The following PCDHB8 variants were observed in gnomAD, a reference collection of about 807,000 sequenced individuals.
PCDHB8 encodes protocadherin beta-8.
For synonymous variants in PCDHB8, 385 were observed against 448.5 expected, an observed-to-expected ratio of 0.86 and a Z score of 1.79; for missense variants, 836 against 1,004.0, an observed-to-expected ratio of 0.83 and a Z score of 2.26.
rs753615504 is a variant in PCDHB8, at chr5:141,180,073, C to A, written c.2039C>A (p.Ala680Asp). Reference sequence around the variant, plus strand: ...CTGCCGCTTCCGGAGGCTGCCCCAGCCCAGGGCCAGGCCGACTCTCTCACC... The same window carrying A: ...CTGCCGCTTCCGGAGGCTGCCCCAGACCAGGGCCAGGCCGACTCTCTCACC... ...PYLPLPEAAP[A>D]QGQADSLTVY... is the part of the protein sequence containing the mutation. Residue 680 changes from alanine (A) to aspartate (D), a missense_variant, in exon 1 of 1, where the codon GCC (alanine) becomes GAC (aspartate). Physicochemically the swap from Ala to Asp is moderately radical, Grantham distance 126 (BLOSUM62 -2). Coordinates refer to ENST00000239444, the MANE Select transcript of PCDHB8 (RefSeq NM_019120.5). 15 of 1,609,886 alleles carry A rather than the reference C, an allele frequency of 9.3e-6. No individual in the cohort carries two copies. Among genetic ancestry groups the A allele is most frequent in the East Asian group, 4.5e-5 (2 of 44,884 alleles).
chr5:141,180,166 C>A lies in PCDHB8; in HGVS notation c.2132C>A (p.Ala711Glu), dbSNP rs782164666. The part of the protein sequence containing the change: ...LFLFSVLLFV[A>E]VLLCRRSRAA... ...CTCTTCTCGGTGCTCCTGTTCGTGG[C>A]GGTGCTGCTGTGTAGGAGGAGCAGG... Residue 711 changes from alanine (A) to glutamate (E), a missense_variant, in exon 1 of 1, where the codon GCG becomes GAG. Physicochemically the swap from Ala to Glu is moderately radical, Grantham distance 107. Transcript: ENST00000239444. The A allele has an allele frequency of 3.7e-6, 6 of 1,612,262 alleles. No homozygotes were observed. In the East Asian group the frequency reaches 8.9e-5, roughly 24 times the overall value.
At position 141,179,273 on chromosome 5, in the gene PCDHB8, A is replaced by T. The variant is rs1554281143; in HGVS notation, c.1239A>T (p.Glu413Asp). 1 of 1,614,254 alleles carries T rather than the reference A, an allele frequency of 6.2e-7. No individual in the cohort carries two copies. Among genetic ancestry groups the T allele is most frequent in the Admixed American group, 1.7e-5 (1 of 60,036 alleles). ...TAACAGAGACACCACTAGACAGAGA[A>T]AGCAGAGCCGAGTACAACGTCACTA... Reference protein sequence around the residue: ...TLLTETPLDRESRAEYNVTIT... With the variant: ...TLLTETPLDRDSRAEYNVTIT... The change falls in exon 1 of 1, where the codon GAA becomes GAT. Residue 413 changes from glutamate to aspartate, a missense_variant. By Grantham distance (45) the Glu-to-Asp change is conservative. Coordinates refer to ENST00000239444, the MANE Select transcript of PCDHB8 (RefSeq NM_019120.5).
rs536616286 is a variant in PCDHB8, at chr5:141,179,057, G to C, written c.1023G>C (p.Val341=). The change falls in exon 1 of 1, where the codon GTG becomes GTC. Residue 341 remains valine (V), a synonymous_variant. Transcript: ENST00000239444. ...KCTVLIQVID[V]NDHAPEVTMS... Reference sequence around the variant, plus strand: ...CCGTTCTGATTCAAGTGATAGATGTGAACGACCATGCCCCAGAAGTTACCA... The same window carrying C: ...CCGTTCTGATTCAAGTGATAGATGTCAACGACCATGCCCCAGAAGTTACCA... 3.1e-6 allele frequency: 5 copies of C among 1,614,240 alleles called. No individual in the cohort carries two copies. In the African/African-American group the frequency reaches 5.3e-5, roughly 17 times the overall value.
Position 141,180,336 on chromosome 5 carries a change from C to G in PCDHB8, c.2302C>G (p.Leu768Val), listed in dbSNP as rs782708680. 3 of 1,614,176 alleles carry G rather than the reference C, an allele frequency of 1.9e-6. No homozygotes were observed. Among genetic ancestry groups the G allele is most frequent in the East Asian group, 4.5e-5 (2 of 44,890 alleles). The change falls in exon 1 of 1, where the codon CTG becomes GTG. Residue 768 changes from leucine to valine, a missense_variant. Leu to Val is a conservative substitution (Grantham distance 32, BLOSUM62 1). Coordinates refer to ENST00000239444, the MANE Select transcript of PCDHB8 (RefSeq NM_019120.5). ...CTCAGGGACGAATGAGTTCCAGCTC[C>G]TGAAACCAGTATTACCTAATATTCA... is the stretch of plus-strand genomic sequence containing the variant. Reference protein sequence around the residue: ...GGSGTNEFQLLKPVLPNIQGH... With the variant: ...GGSGTNEFQLVKPVLPNIQGH...
At position 141,180,488 on chromosome 5, in the gene PCDHB8, T is replaced by C. The variant is rs782184797; in HGVS notation, c.*48T>C. 7.6e-7 allele frequency: 1 copy of C among 1,317,938 alleles called. No homozygotes were observed. The highest frequency in any genetic ancestry group is 1.8e-5 in the South Asian group (1 of 56,402). The allele number at this position is 1,317,938 out of a possible 1,614,324, so 81.6% of individuals were successfully genotyped here. ...AATTTTTATGATCAATTCAAAGGAA[T>C]GGTTTTCTGTCAACTTAGCATAAAT... On this transcript the variant is annotated 3_prime_UTR_variant, in exon 1 of 1. Coordinates refer to ENST00000239444, the MANE Select transcript of PCDHB8 (RefSeq NM_019120.5).
At position 141,179,907 on chromosome 5, in the gene PCDHB8, G is replaced by T. The variant is rs1250908322; in HGVS notation, c.1873G>T (p.Val625Leu). 1 of 1,609,384 alleles carries T rather than the reference G, an allele frequency of 6.2e-7. No individual in the cohort carries two copies. Among genetic ancestry groups the T allele is most frequent in the African/African-American group, 1.3e-5 (1 of 74,868 alleles). ...CGGTGTGTGGGCGCACAATGGCGAG[G>T]TGCGCACCGCCAGGCTGCTGAGCGA... ...LFGVWAHNGE[V>L]RTARLLSERD... Residue 625 changes from valine to leucine, a missense_variant, in exon 1 of 1, where the codon GTG becomes TTG. Transcript: ENST00000239444.
In PCDHB8 at chr5:141,179,107, C is replaced by A; in HGVS notation, c.1073C>A (p.Pro358His). 6.2e-7 allele frequency: 1 copy of A among 1,614,226 alleles called. No individual in the cohort carries two copies. The stretch of plus-strand genomic sequence containing the variant: ...ATGTCTGCATTTACCAGCCCAATAC[C>A]TGAGAATGCGCCTGAAACTGTGGTT... Reference protein sequence around the residue: ...VTMSAFTSPIPENAPETVVAL... With the variant: ...VTMSAFTSPIHENAPETVVAL... The change falls in exon 1 of 1, where the codon CCT becomes CAT. Residue 358 changes from proline to histidine, a missense_variant. Transcript: ENST00000239444.
In PCDHB8 at chr5:141,178,379, C is replaced by T. The variant is rs1217580341; in HGVS notation, c.345C>T (p.Phe115=). The part of the protein sequence containing the change: ...LRFQVLLESP[F]EFFQAELQVI... ...TCCAAGTGTTGCTAGAGAGTCCCTT[C>T]GAGTTTTTTCAAGCTGAGCTGCAAG... The change falls in exon 1 of 1, where the codon TTC becomes TTT. Residue 115 remains phenylalanine, a synonymous_variant. Coordinates refer to ENST00000239444, the MANE Select transcript of PCDHB8 (RefSeq NM_019120.5). 3 of 1,589,260 alleles carry T rather than the reference C, an allele frequency of 1.9e-6. No homozygotes were observed. Among genetic ancestry groups the T allele is most frequent in the Non-Finnish European group, 8.6e-7 (1 of 1,160,864 alleles).
rs112759368 is a variant in PCDHB8 at position 141,179,903 on chromosome 5, C to G, written c.1869C>G (p.Gly623=). ...TGTTCGGTGTGTGGGCGCACAATGG[C>G]GAGGTGCGCACCGCCAGGCTGCTGA... ...PGLFGVWAHN[G]EVRTARLLSE... The change falls in exon 1 of 1, where the codon GGC becomes GGG. Residue 623 remains glycine, a synonymous_variant. Coordinates refer to ENST00000239444, the MANE Select transcript of PCDHB8 (RefSeq NM_019120.5). The G allele has an allele frequency of 7.5e-5, 121 of 1,609,420 alleles. No individual in the cohort carries two copies. The highest frequency in any genetic ancestry group is 4.7e-4 in the African/African-American group (35 of 74,960).
Position 141,180,489 on chromosome 5 carries a change from G to C in PCDHB8, c.*49G>C, listed in dbSNP as rs782542247. 13 of 1,311,976 alleles carry C rather than the reference G, an allele frequency of 9.9e-6. No homozygotes were observed. In the South Asian group the frequency reaches 2.4e-4, roughly 24 times the overall value. The allele number at this position is 1,311,976 out of a possible 1,614,324, so 81.3% of individuals were successfully genotyped here. On this transcript the variant is annotated 3_prime_UTR_variant, in exon 1 of 1. Transcript: ENST00000239444. Reference sequence around the variant, plus strand: ...ATTTTTATGATCAATTCAAAGGAATGGTTTTCTGTCAACTTAGCATAAATT... The same window carrying C: ...ATTTTTATGATCAATTCAAAGGAATCGTTTTCTGTCAACTTAGCATAAATT...
rs1462177254 is a variant in PCDHB8 at position 141,179,875 on chromosome 5, G to A, written c.1841G>A (p.Gly614Glu). The change falls in exon 1 of 1, where the codon GGG becomes GAG. Residue 614 changes from glycine to glutamate, a missense_variant. Physicochemically the swap from Gly to Glu is moderately conservative, Grantham distance 98 (BLOSUM62 -2). Transcript: ENST00000239444. Reference protein sequence around the residue: ...SYQLLKATEPGLFGVWAHNGE... With the variant: ...SYQLLKATEPELFGVWAHNGE... ...CAGCTGCTCAAGGCCACGGAGCCCG[G>A]GCTGTTCGGTGTGTGGGCGCACAAT... 6.2e-7 allele frequency: 1 copy of A among 1,609,854 alleles called. No homozygotes were observed. Among genetic ancestry groups the A allele is most frequent in the African/African-American group, 1.3e-5 (1 of 74,988 alleles).
chr5:141,177,883 T>G lies in PCDHB8; in HGVS notation c.-152T>G. The G allele has an allele frequency of 1.5e-6, 1 of 658,690 alleles. No homozygotes were observed. The highest frequency in any genetic ancestry group is 2.6e-6 in the Non-Finnish European group (1 of 378,230). The allele number at this position is 658,690 out of a possible 1,614,324, so 40.8% of individuals were successfully genotyped here. On this transcript the variant is annotated 5_prime_UTR_variant, in exon 1 of 1. Transcript: ENST00000239444. Reference sequence around the variant, plus strand: ...CAGAACCTGGAAGTCCACGGGGAGCTTGGATGCCAAAGGGAGGACGGCTGG... The same window carrying G: ...CAGAACCTGGAAGTCCACGGGGAGCGTGGATGCCAAAGGGAGGACGGCTGG...
In PCDHB8 at chr5:141,180,289, A is replaced by T; in HGVS notation, c.2255A>T (p.Tyr752Phe). The T allele has an allele frequency of 6.2e-7, 1 of 1,614,042 alleles. No homozygotes were observed. Among genetic ancestry groups the T allele is most frequent in the Non-Finnish European group, 8.5e-7 (1 of 1,179,960 alleles). ...GTGSLSQNYQYEVCLAGGSGT... is the reference protein window; with the variant it reads ...GTGSLSQNYQFEVCLAGGSGT... ...GGGAGCCTGTCTCAGAACTATCAGT[A>T]CGAGGTGTGCCTGGCAGGAGGCTCA... The change falls in exon 1 of 1, where the codon TAC becomes TTC. Residue 752 changes from tyrosine (Y) to phenylalanine (F), a missense_variant. Tyr to Phe is a conservative substitution (Grantham distance 22, BLOSUM62 3). Transcript: ENST00000239444.
In PCDHB8 at chr5:141,178,665, T is replaced by G. The variant is rs1459168394; in HGVS notation, c.631T>G (p.Leu211Val). ...LDREEEAELR[L>V]TLTALDGGSP... Reference sequence around the variant, plus strand: ...CCGAGAGGAAGAAGCTGAGCTCAGGTTAACACTCACAGCACTGGATGGTGG... The same window carrying G: ...CCGAGAGGAAGAAGCTGAGCTCAGGGTAACACTCACAGCACTGGATGGTGG... Residue 211 changes from leucine (L) to valine (V), a missense_variant, in exon 1 of 1, where the codon TTA becomes GTA. Transcript: ENST00000239444. The G allele has an allele frequency of 1.2e-6, 2 of 1,611,128 alleles. No individual in the cohort carries two copies. The highest frequency in any genetic ancestry group is 2.7e-5 in the African/African-American group (2 of 74,720).
In PCDHB8 at chr5:141,179,032, C is replaced by T. The variant is rs201774727; in HGVS notation, c.998C>T (p.Thr333Ile). The T allele has an allele frequency of 2.2e-4, 358 of 1,614,156 alleles. 2 individuals are homozygous for T. In the East Asian group the frequency reaches 7.7e-3, roughly 35 times the overall value. ...RDAGGFSGKC[T>I]VLIQVIDVND... ...GCTGGAGGCTTTTCTGGAAAATGCA[C>T]CGTTCTGATTCAAGTGATAGATGTG... The change falls in exon 1 of 1, where the codon ACC (threonine) becomes ATC (isoleucine). Residue 333 changes from threonine to isoleucine, a missense_variant. Transcript: ENST00000239444.
At position 141,179,728 on chromosome 5, in the gene PCDHB8, C is replaced by T. The variant is rs782583919; in HGVS notation, c.1694C>T (p.Pro565Leu). The T allele has an allele frequency of 1.9e-6, 3 of 1,611,782 alleles. No individual in the cohort carries two copies. The South Asian group carries it at 3.3e-5, about 18-fold the overall frequency. Reference protein sequence around the residue: ...ANDNSPFVLYPLQNGSAPCTE... With the variant: ...ANDNSPFVLYLLQNGSAPCTE... ...GACAACTCGCCCTTCGTGCTGTACC[C>T]GCTGCAGAATGGCTCCGCGCCCTGC... The change falls in exon 1 of 1, where the codon CCG (proline) becomes CTG (leucine). Residue 565 changes from proline (P) to leucine (L), a missense_variant. By Grantham distance (98) the Pro-to-Leu change is moderately conservative. Transcript: ENST00000239444.
rs142723933 is a variant in PCDHB8 at position 141,180,162 on chromosome 5, G to A, written c.2128G>A (p.Val710Met). Reference sequence around the variant, plus strand: ...CTTCCTCTTCTCGGTGCTCCTGTTCGTGGCGGTGCTGCTGTGTAGGAGGAG... The same window carrying A: ...CTTCCTCTTCTCGGTGCTCCTGTTCATGGCGGTGCTGCTGTGTAGGAGGAG... The part of the protein sequence containing the change: ...SLFLFSVLLF[V>M]AVLLCRRSRA... The change falls in exon 1 of 1, where the codon GTG becomes ATG. Residue 710 changes from valine (V) to methionine (M), a missense_variant. Transcript: ENST00000239444. The A allele has an allele frequency of 5.0e-6, 8 of 1,612,228 alleles. No individual in the cohort carries two copies. Among genetic ancestry groups the A allele is most frequent in the Non-Finnish European group, 5.9e-6 (7 of 1,179,932 alleles).
Position 141,180,298 on chromosome 5 carries a change from G to T in PCDHB8, c.2264G>T (p.Cys755Phe). The T allele has an allele frequency of 2.5e-6, 4 of 1,614,086 alleles. No homozygotes were observed. Among genetic ancestry groups the T allele is most frequent in the Non-Finnish European group, 3.4e-6 (4 of 1,179,970 alleles). ...SLSQNYQYEV[C>F]LAGGSGTNEF... ...TCTCAGAACTATCAGTACGAGGTGT[G>T]CCTGGCAGGAGGCTCAGGGACGAAT... is the stretch of plus-strand genomic sequence containing the variant. The change falls in exon 1 of 1, where the codon TGC becomes TTC. Residue 755 changes from cysteine to phenylalanine, a missense_variant. Coordinates refer to ENST00000239444, the MANE Select transcript of PCDHB8 (RefSeq NM_019120.5).
chr5:141,180,135 C>G lies in PCDHB8; in HGVS notation c.2101C>G (p.Leu701Val). ...GGTGGCGTTGGCCTCGGTGTCTTCG[C>G]TCTTCCTCTTCTCGGTGCTCCTGTT... ...LVVALASVSS[L>V]FLFSVLLFVA... is the part of the protein sequence containing the mutation. Residue 701 changes from leucine (L) to valine (V), a missense_variant, in exon 1 of 1, where the codon CTC becomes GTC. Leu to Val is a conservative substitution (Grantham distance 32, BLOSUM62 1). Transcript: ENST00000239444. 1 of 1,611,380 alleles carries G rather than the reference C, an allele frequency of 6.2e-7. No individual in the cohort carries two copies. The highest frequency in any genetic ancestry group is 8.5e-7 in the Non-Finnish European group (1 of 1,179,846).
Sources: gnomAD v4.1 joint callset for allele counts on GRCh38, gnomAD v4.1.1 for gene constraint, MANE v1.5 for transcripts, NCBI Gene and HGNC (gene_info 2026-07-23, HGNC 2026-07-21) for gene names.